The following TMEM9 variants were observed in gnomAD, a reference collection of about 807,000 sequenced individuals.
TMEM9 encodes proton-transporting V-type ATPase complex assembly regulator TMEM9.
In TMEM9, 13 loss-of-function variants were observed where a neutral mutation model predicts 22.8. The observed-to-expected ratio is 0.57, with a 90% CI of 0.37 to 0.91. TMEM9 has a LOEUF of 0.91. Among genes scored for constraint, TMEM9 ranks in the 40% least tolerant of loss-of-function variants. The pLI is 0.01. For synonymous variants in TMEM9, 88 were observed against 93.0 expected (o/e 0.95, Z 0.31); for missense variants, 182 against 238.1 (o/e 0.76, Z 1.55).
At chr1:201,170,145 A>T (rs1206859513) in intron 1 of TMEM9, among the ~76,000 whole-genome samples, 1 of 152,212 alleles carries the variant, frequency 6.6e-6, no homozygotes, top group Non-Finnish European at 1.5e-5. Context: ...ATGGGGGTGC[A>T]TTGGCTGTGA....
intron 4 of TMEM9, among the ~76,000 whole-genome samples, chr1:201,140,813 T>C (rs79791423): frequency 0.023 from 3,566 of 152,302 alleles, 93 homozygotes; most frequent in East Asian, 0.12. Context: ...GTCCTGACTT[T>C]GTTCCTCTTG....
intron 1 of TMEM9, among the ~76,000 whole-genome samples, chr1:201,166,428 T>C (rs1666080263): frequency 6.6e-6 from 1 of 151,654 alleles, no homozygotes; most frequent in Non-Finnish European, 1.5e-5. Context: ...AGTGGCATGA[T>C]CTCAGCTCAC....
chr1:201,152,652 T>C (rs1339904917), intron 1 of TMEM9, among the ~76,000 whole-genome samples: 2 of 152,244 alleles, frequency 1.3e-5, no homozygotes, highest in East Asian at 3.8e-4. Context: ...TGTAATTTGA[T>C]TCTCCCTAAG....
chr1:201,141,216 A>T (rs188058284), intron 4 of TMEM9, among the ~76,000 whole-genome samples: 54 of 152,310 alleles, frequency 3.5e-4, no homozygotes, highest in African/African-American at 1.2e-3. Flanking sequence ...ACGAAGCCAG[A>T]TCTTACTGCC....
chr1:201,158,952 C>A (rs1665875923), upstream of TMEM9, among the ~76,000 whole-genome samples: 1 of 152,180 alleles, frequency 6.6e-6, no homozygotes, highest in South Asian at 2.1e-4. Context: ...GTGCTGTCAT[C>A]ACTCCCAAAT....
At chr1:201,169,547 A>G (rs1394920964) in intron 1 of TMEM9, among the ~76,000 whole-genome samples, 2 of 152,200 alleles carry the variant, frequency 1.3e-5, no homozygotes, top group Non-Finnish European at 2.9e-5. Context: ...ACCCTGCCAC[A>G]TGAGGAACAG....
In TMEM9 at chr1:201,146,688, T is replaced by C. The variant is rs752035567; in HGVS notation, c.267+52A>G. On this transcript the variant is annotated intron_variant, in intron 3 of 4. Coordinates refer to ENST00000367330, the MANE Select transcript of TMEM9 (RefSeq NM_001288565.2). ...ACTGTGGGTGTAGGCCAGTCTGCGA[T>C]TGGAGAATGGCGTGTGGGAATCCCA... The C allele has an allele frequency of 7.1e-6, 11 of 1,547,702 alleles. No homozygotes were observed. The East Asian group carries it at 1.6e-4, about 22-fold the overall frequency.
chr1:201,139,825 T>C (rs1315207480), intron 4 of TMEM9, among the ~76,000 whole-genome samples: 2 of 152,218 alleles, frequency 1.3e-5, no homozygotes, highest in Non-Finnish European at 2.9e-5. Context: ...ATTCCAGACT[T>C]AGAAAACTAA....
intron 1 of TMEM9, among the ~76,000 whole-genome samples, chr1:201,166,552 G>A (rs535881675): frequency 3.3e-5 from 5 of 151,772 alleles, no homozygotes; most frequent in East Asian, 1.9e-4. Context: ...TAGTAGAGAC[G>A]GGGTTTTGTC....
At chr1:201,146,346 G>T (rs1197489175) in intron 3 of TMEM9, among the ~76,000 whole-genome samples, 1 of 152,196 alleles carries the variant, frequency 6.6e-6, no homozygotes. Context: ...AGCTTAATTA[G>T]ACTAAGCTCC....
chr1:201,151,642 T>C (rs1319970295), intron 2 of TMEM9, 119 bp downstream of exon 2: 6 of 731,240 alleles, frequency 8.2e-6, no homozygotes, highest in African/African-American at 5.2e-5. Flanking sequence ...AATTACTCCT[T>C]TGAAAGGCTC....
chr1:201,152,173 T>A (rs1665484430), intron 1 of TMEM9, among the ~76,000 whole-genome samples: 1 of 151,926 alleles, frequency 6.6e-6, no homozygotes, highest in African/African-American at 2.4e-5. Flanking sequence ...TGTGTGTGTG[T>A]GTGTGTGTGT....
intron 4 of TMEM9, among the ~76,000 whole-genome samples, chr1:201,140,192 A>G (rs1448543467): frequency 6.6e-6 from 1 of 152,060 alleles, no homozygotes; most frequent in African/African-American, 2.4e-5. Flanking sequence ...CTCTCTCCCA[A>G]AGGGGGCCCA....
At chr1:201,138,025 C>T (rs538243961) in intron 4 of TMEM9, among the ~76,000 whole-genome samples, 280 of 152,298 alleles carry the variant, frequency 1.8e-3, no homozygotes, top group Non-Finnish European at 3.1e-3. Context: ...ATTGGCCCAC[C>T]GGGACTTGGC....
chr1:201,152,161 GGT>G (rs3222916), intron 1 of TMEM9, among the ~76,000 whole-genome samples: 17,878 of 149,848 alleles, frequency 0.12, 2,546 homozygotes, highest in African/African-American at 0.34. Flanking sequence ...AGGGGAAATG[GGT>G]GTGTGTGTGT....
intron 4 of TMEM9, among the ~76,000 whole-genome samples, chr1:201,139,573 T>TC (rs371952073): frequency 6.6e-6 from 1 of 151,032 alleles, no homozygotes; most frequent in Non-Finnish European, 1.5e-5. Flanking sequence ...CAGCCTCACC[T>TC]CCCCCCTTAC....
At chr1:201,167,891 T>A (rs1666117030) in intron 1 of TMEM9, among the ~76,000 whole-genome samples, 1 of 152,182 alleles carries the variant, frequency 6.6e-6, no homozygotes, top group African/African-American at 2.4e-5. Context: ...TCATTCCCAG[T>A]TCCCCCAGAA....
chr1:201,156,630 T>C (rs1665805346), upstream of TMEM9, among the ~76,000 whole-genome samples: 2 of 152,246 alleles, frequency 1.3e-5, no homozygotes, highest in Admixed American at 1.3e-4. Flanking sequence ...TTTCATCTTA[T>C]TCAAATCTTT....
intron 2 of TMEM9, among the ~76,000 whole-genome samples, chr1:201,149,613 G>C (rs1665258876): frequency 6.6e-6 from 1 of 152,166 alleles, no homozygotes; most frequent in African/African-American, 2.4e-5. Context: ...TGTAAACACA[G>C]GAACATACAT....
Sources: allele counts gnomAD v4.1 joint callset (sites outside exome capture counted in the v4.1 genomes callset), GRCh38; gene constraint gnomAD v4.1.1; transcripts MANE v1.5; gene names NCBI Gene and HGNC (gene_info 2026-07-23, HGNC 2026-07-21).